The following MUC4 variants were observed in gnomAD, a reference collection of about 807,000 sequenced individuals.
MUC4 encodes the protein mucin-4.
In MUC4, 202 loss-of-function variants were observed where a neutral mutation model predicts 257.9. That is an observed-to-expected ratio of 0.78 (90% CI 0.70 to 0.88). MUC4 has a LOEUF of 0.88. Ranked by LOEUF, MUC4 falls within the 40% of genes least tolerant of loss-of-function variation. The pLI, the probability that MUC4 is intolerant of heterozygous loss-of-function variation, is 0.00. For synonymous variants in MUC4, 2,351 were observed against 2,757.1 expected (o/e 0.85, Z 4.62); for missense variants, 5,976 against 6,513.7 (o/e 0.92, Z 2.84).
Position 195,779,099 on chromosome 3 carries a change from G to C in MUC4, c.12481C>G (p.Leu4161Val), listed in dbSNP as rs768765166. The change falls in exon 2 of 25, where the codon CTT becomes GTT. Residue 4161 changes from leucine to valine, a missense_variant. Coordinates refer to ENST00000463781, the MANE Select transcript of MUC4 (RefSeq NM_018406.7). The part of the protein sequence containing the change: ...SSASSGHTTS[L>V]PVTDASSVST... ...ACTGAGGAAGCGTCGGTGACAGGAA[G>C]AGAGGTGGTGTGACCTGAGGATGCT... 3.5e-5 allele frequency: 52 copies of C among 1,502,114 alleles called. 1 individual carries two copies. The African/African-American group carries it at 6.6e-4, about 19-fold the overall frequency. The allele number at this position is 1,502,114 out of a possible 1,614,324, so 93.0% of individuals were successfully genotyped here. A position where few individuals can be genotyped will look rare whatever the true frequency, so the allele number is the denominator to read the frequency against.
chr3:195,749,132 A>G (rs1170574961), intron 23 of MUC4, 68 bp from the exon 24 acceptor site: 21 of 1,566,154 alleles, frequency 1.3e-5, no homozygotes, highest in Admixed American at 1.8e-5. Flanking sequence ...CTTTTCAGCC[A>G]CGAATTCCTT....
Position 195,788,749 on chromosome 3 carries a change from G to T in MUC4, c.2831C>A (p.Ser944Tyr). 1 of 1,613,882 alleles carries T rather than the reference G, an allele frequency of 6.2e-7. No individual in the cohort carries two copies. Residue 944 changes from serine (S) to tyrosine (Y), a missense_variant, in exon 2 of 25, where the codon TCC (serine) becomes TAC (tyrosine). Transcript: ENST00000463781. The part of the protein sequence containing the change: ...TVPPTPPSIT[S>Y]TGLTSPQTET... ...GGTTTGTGGAGATGTAAGCCCAGTG[G>T]ATGTGATCGATGGAGGTGTGGGTGG...
At chr3:195,752,122 C>A (rs1465910799) in intron 21 of MUC4, 2 of 516,260 alleles carry the variant, frequency 3.9e-6, no homozygotes, top group Non-Finnish European at 6.9e-6. Context: ...CAGATCATAA[C>A]CAAGATGCTT....
chr3:195,758,372 G>C (rs1718075335), intron 17 of MUC4, among the ~76,000 whole-genome samples: 1 of 152,134 alleles, frequency 6.6e-6, no homozygotes, highest in East Asian at 1.9e-4. Context: ...CAGACAAAAA[G>C]AGCAAGAAAG....
intron 23 of MUC4, 135 bp from the exon 24 acceptor site, chr3:195,749,199 G>GACGA (rs1715824238): frequency 1.8e-6 from 2 of 1,130,908 alleles, no homozygotes; most frequent in East Asian, 5.4e-5. Context: ...TATGCCCCTG[G>GACGA]ACGTTCAGAT....
rs750949476 is a variant in MUC4 at position 195,762,183 on chromosome 3, C to T, written c.14416G>A (p.Gly4806Ser). 5 of 1,605,398 alleles carry T rather than the reference C, an allele frequency of 3.1e-6. No homozygotes were observed. The highest frequency in any genetic ancestry group is 4.3e-6 in the Non-Finnish European group (5 of 1,176,222). Reference protein sequence around the residue: ...NGSEVSASFDGWATVSVIALS... With the variant: ...NGSEVSASFDSWATVSVIALS... ...GCGATCACCGAGACGGTGGCCCAGC[C>T]GTCGAAGCTGGCCGAGACCTCAGAG... Residue 4806 changes from glycine to serine, a missense_variant, in exon 14 of 25, where the codon GGC (glycine) becomes AGC (serine). Gly to Ser is a moderately conservative substitution (Grantham distance 56). Coordinates refer to ENST00000463781, the MANE Select transcript of MUC4 (RefSeq NM_018406.7).
Position 195,789,776 on chromosome 3 carries a change from G to A in MUC4, c.1804C>T (p.Leu602=). The A allele has an allele frequency of 6.2e-7, 1 of 1,614,012 alleles. No individual in the cohort carries two copies. Among genetic ancestry groups the A allele is most frequent in the Non-Finnish European group, 8.5e-7 (1 of 1,179,870 alleles). Residue 602 remains leucine (L), a synonymous_variant, in exon 2 of 25, where the codon CTG becomes TTG. Coordinates refer to ENST00000463781, the MANE Select transcript of MUC4 (RefSeq NM_018406.7). Reference sequence around the variant, plus strand: ...ATTTGTTGGGATGTGTGTCTATCCAGCATAGGTGAAGAAGATGGGGATGTG... The same window carrying A: ...ATTTGTTGGGATGTGTGTCTATCCAACATAGGTGAAGAAGATGGGGATGTG... The part of the protein sequence containing the change: ...TATSPSSSPM[L]DRHTSQQITT...
rs752692992 is a variant in MUC4, at chr3:195,761,046, A to T, written c.14686T>A (p.Tyr4896Asn). The T allele has an allele frequency of 1.2e-6, 2 of 1,614,194 alleles. No individual in the cohort carries two copies. The highest frequency in any genetic ancestry group is 1.7e-6 in the Non-Finnish European group (2 of 1,180,018). Residue 4896 changes from tyrosine to asparagine, a missense_variant, in exon 16 of 25, where the codon TAC (tyrosine) becomes AAC (asparagine). Coordinates refer to ENST00000463781, the MANE Select transcript of MUC4 (RefSeq NM_018406.7). ...QLPSNFTPVF[Y>N]SQLQKNSSWA... ...GAGCTGTTTTTTTGCAGTTGTGAGTAGAAAACAGGGGTGAAGTTGGAAGGC... is the reference window on the plus strand; with the variant it reads ...GAGCTGTTTTTTTGCAGTTGTGAGTTGAAAACAGGGGTGAAGTTGGAAGGC...
rs1178760114 is a variant in MUC4, at chr3:195,780,022, T to A, written c.11558A>T (p.Asp3853Val). ...GCTAGTGACAGGAAGAGGCATGGTG[T>A]CACCTGTGGATACTGAGGAAGGGAT... The part of the protein sequence containing the change: ...VTIPSSVSTG[D>V]TMPLPVTSPS... Residue 3853 changes from aspartate to valine, a missense_variant, in exon 2 of 25, where the codon GAC (aspartate) becomes GTC (valine). Physicochemically the swap from Asp to Val is radical, Grantham distance 152 (BLOSUM62 -3). Transcript: ENST00000463781. 5.2e-6 allele frequency: 4 copies of A among 764,230 alleles called. 1 individual carries two copies. The highest frequency in any genetic ancestry group is 6.7e-6 in the Non-Finnish European group (4 of 601,364). 47.3% of individuals were successfully genotyped at this position (764,230 alleles called of 1,614,324 possible). A position where few individuals can be genotyped will look rare whatever the true frequency, so the allele number is the denominator to read the frequency against.
At chr3:195,768,010 C>T (rs990985835) in intron 7 of MUC4, among the ~76,000 whole-genome samples, 4 of 151,962 alleles carry the variant, frequency 2.6e-5, no homozygotes, top group Middle Eastern at 3.4e-3. Flanking sequence ...GAGCATGGCC[C>T]GGGAAGGAGG....
At chr3:195,775,317 A>C (rs1193257560) in intron 3 of MUC4, among the ~76,000 whole-genome samples, 5 of 85,074 alleles carry the variant, frequency 5.9e-5, no homozygotes, top group Non-Finnish European at 1.2e-4. Context: ...GCCACCCCAA[A>C]TGCTTCGGGG....
rs1560283405 is a variant in MUC4 at position 195,775,392 on chromosome 3, C to CGGCCAT, written c.12944-1088_12944-1087insATGGCC. On this transcript the variant is annotated intron_variant, in intron 3 of 24. Coordinates refer to ENST00000463781, the MANE Select transcript of MUC4 (RefSeq NM_018406.7). ...ATACCTACCACACTCGTACCTTCCACACCCATACCTTCCACACCCATACCT... is the reference window on the plus strand; with the variant it reads ...ATACCTACCACACTCGTACCTTCCACGGCCATACCCATACCTTCCACACCCATACCT... Among the ~76,000 whole-genome samples, 40 of 117,172 alleles carry CGGCCAT rather than the reference C, an allele frequency of 3.4e-4. 8 individuals are homozygous for CGGCCAT. The highest frequency in any genetic ancestry group is 1.1e-3 in the South Asian group (4 of 3,676). 76.9% of individuals were successfully genotyped at this position (117,172 alleles called of 152,430 possible).
intron 21 of MUC4, chr3:195,751,522 C>T (rs1207356796): frequency 2.1e-5 from 12 of 583,966 alleles, no homozygotes; most frequent in Admixed American, 1.2e-4. Flanking sequence ...CCTCATATGA[C>T]GAGCAGAGAA....
chr3:195,805,534 A>T lies in MUC4; in HGVS notation c.82+6202T>A, dbSNP rs549099456. ...TCCTCAGGAGCCTGGCTGCCTCTCCACAGTGGTTAGCCTCGGGCTGTCCTG... is the reference window on the plus strand; with the variant it reads ...TCCTCAGGAGCCTGGCTGCCTCTCCTCAGTGGTTAGCCTCGGGCTGTCCTG... On this transcript the variant is annotated intron_variant, in intron 1 of 24. Coordinates refer to ENST00000463781, the MANE Select transcript of MUC4 (RefSeq NM_018406.7). Among the ~76,000 whole-genome samples the T allele has an allele frequency of 2.8e-4, 42 of 152,092 alleles. No individual in the cohort carries two copies. In the South Asian group the frequency reaches 8.5e-3, roughly 31 times the overall value.
intron 1 of MUC4, among the ~76,000 whole-genome samples, chr3:195,794,391 G>GAAGAAAGAGAGAGAGAGAGA (rs1560409558): frequency 2.7e-5 from 4 of 146,308 alleles, no homozygotes; most frequent in South Asian, 4.2e-4. Flanking sequence ...GAGAGAGAGA[G>GAAGAAAGAGAGAGAGAGAGA]AAGAAAGAGA....
Position 195,778,310 on chromosome 3 carries a change from A to T in MUC4, c.12936T>A (p.Pro4312=), listed in dbSNP as rs767714496. Residue 4312 remains proline (P), a synonymous_variant, in exon 3 of 25, where the codon CCT becomes CCA. Transcript: ENST00000463781. ...RSTAAPIPIL[P]ERGVSLFPYG... ...TCACCTGTATGGCCTCACCTCTCTC[A>T]GGCAGGATGGGGATGGGGGCAGCTG... is the stretch of plus-strand genomic sequence containing the variant. 1.9e-6 allele frequency: 3 copies of T among 1,609,490 alleles called. No individual in the cohort carries two copies. The highest frequency in any genetic ancestry group is 2.5e-6 in the Non-Finnish European group (3 of 1,178,628).
At chr3:195,754,869 CAATG>C (rs1275218960) in intron 18 of MUC4, among the ~76,000 whole-genome samples, 2 of 22,394 alleles carry the variant, frequency 8.9e-5, no homozygotes, top group Admixed American at 3.6e-4. Context: ...AGATATGTAT[CAATG>C]TATGTATCCA....
In MUC4 at chr3:195,781,976, G is replaced by C. The variant is rs768860318; in HGVS notation, c.9604C>G (p.Leu3202Val). 8.0e-6 allele frequency: 12 copies of C among 1,493,270 alleles called. No individual in the cohort carries two copies. The highest frequency in any genetic ancestry group is 1.1e-5 in the Non-Finnish European group (12 of 1,122,296). 92.5% of individuals were successfully genotyped at this position (1,493,270 alleles called of 1,614,324 possible). Residue 3202 changes from leucine (L) to valine (V), a missense_variant, in exon 2 of 25, where the codon CTT becomes GTT. Physicochemically the swap from Leu to Val is conservative, Grantham distance 32. Transcript: ENST00000463781. ...SASTGHATPL[L>V]VTDASSASTG... Reference sequence around the variant, plus strand: ...GATGCTGAGGAAGCGTCGGTGACAAGAAGAGGAGTGGCGTGACCTGTGGAT... The same window carrying C: ...GATGCTGAGGAAGCGTCGGTGACAACAAGAGGAGTGGCGTGACCTGTGGAT...
rs1464891011 is a variant in MUC4 at position 195,784,904 on chromosome 3, G to T, written c.6676C>A (p.Leu2226Ile). Residue 2226 changes from leucine (L) to isoleucine (I), a missense_variant, in exon 2 of 25, where the codon CTT becomes ATT. By Grantham distance (5) the Leu-to-Ile change is conservative. Coordinates refer to ENST00000463781, the MANE Select transcript of MUC4 (RefSeq NM_018406.7). ...GATGCTGAGGAAGTGTCGGTGACAA[G>T]AAGAGGGATGGCGTGACCTGTGGAT... ...SASTGHAIPL[L>I]VTDTSSASTG... 6.9e-7 allele frequency: 1 copy of T among 1,439,096 alleles called. No homozygotes were observed. Among genetic ancestry groups the T allele is most frequent in the Admixed American group, 2.1e-5 (1 of 48,100 alleles). 89.1% of individuals were successfully genotyped at this position (1,439,096 alleles called of 1,614,324 possible).
Sources: allele counts gnomAD v4.1 joint callset (sites outside exome capture counted in the v4.1 genomes callset), GRCh38; gene constraint gnomAD v4.1.1; transcripts MANE v1.5; gene names NCBI Gene and HGNC (gene_info 2026-07-23, HGNC 2026-07-21).